CAPN13: variants seen among roughly 807,000 people sequenced by gnomAD.
CAPN13 encodes calpain-13.
CAPN13 carries 90 observed loss-of-function variants against 98.4 expected under a neutral mutation model. That is an observed-to-expected ratio of 0.92 (90% CI 0.77 to 1.09). The LOEUF is 1.09. CAPN13 is among the 50% of genes least tolerant of loss of function. CAPN13 has a pLI of 0.00. For synonymous variants in CAPN13, 330 were observed against 305.5 expected (o/e 1.08, Z -0.84); for missense variants, 887 against 841.3 (o/e 1.05, Z -0.67).
At chr2:30,764,423 T>A in intron 5 of CAPN13, 117 bp from the exon 6 acceptor site, 2 of 1,082,822 alleles carry the variant, frequency 1.8e-6, no homozygotes, top group Non-Finnish European at 2.6e-6. Context: ...GGTCCACTCC[T>A]GATCATGGCC....
At chr2:30,774,049 CA>C (rs1479543267) in intron 4 of CAPN13, among the ~76,000 whole-genome samples, 1 of 151,966 alleles carries the variant, frequency 6.6e-6, no homozygotes, top group Non-Finnish European at 1.5e-5. Flanking sequence ...TTATCCCTTG[CA>C]AAACTTAATC....
intron 1 of CAPN13, among the ~76,000 whole-genome samples, chr2:30,800,129 A>AAAGAAAGAAAGAAAGAAAGAAAGT (rs1675145684): frequency 7.5e-6 from 1 of 133,516 alleles, no homozygotes; most frequent in African/African-American, 3.1e-5. Context: ...AGAAAGAAAG[A>AAAGAAAGAAAGAAAGAAAGAAAGT]AAGAAAGAAA....
chr2:30,780,496 G>C (rs536371298), intron 2 of CAPN13, among the ~76,000 whole-genome samples: 2 of 152,342 alleles, frequency 1.3e-5, no homozygotes, highest in African/African-American at 4.8e-5. Flanking sequence ...TAAATTCTAT[G>C]AAGGCATTTG....
intron 15 of CAPN13, among the ~76,000 whole-genome samples, chr2:30,738,856 T>C (rs1357951425): frequency 7.3e-6 from 1 of 137,616 alleles, no homozygotes. Flanking sequence ...AAACTATGAC[T>C]ACTGTGTGCA....
chr2:30,751,459 T>G (rs928206952), intron 10 of CAPN13, among the ~76,000 whole-genome samples: 6 of 152,220 alleles, frequency 3.9e-5, no homozygotes, highest in Non-Finnish European at 8.8e-5. Context: ...CAGGAGAGGT[T>G]GTATAGTCCC....
At chr2:30,791,518 G>T (rs965459816) in intron 1 of CAPN13, among the ~76,000 whole-genome samples, 1 of 152,210 alleles carries the variant, frequency 6.6e-6, no homozygotes, top group Admixed American at 6.5e-5. Flanking sequence ...GAAAACATCT[G>T]ATACTGAACA....
At chr2:30,760,816 C>A (rs933494552) in intron 7 of CAPN13, among the ~76,000 whole-genome samples, 6 of 152,218 alleles carry the variant, frequency 3.9e-5, no homozygotes, top group Non-Finnish European at 7.3e-5. Flanking sequence ...GAGGCCAAGG[C>A]CATGGCTACA....
chr2:30,739,631 A>G (rs1260326965), intron 15 of CAPN13, among the ~76,000 whole-genome samples: 1 of 152,178 alleles, frequency 6.6e-6, no homozygotes, highest in Non-Finnish European at 1.5e-5. Context: ...CGCTTTGAAC[A>G]GCAGTTAGCA....
chr2:30,730,580 C>T, intron 22 of CAPN13, 150 bp downstream of exon 22: 1 of 555,612 alleles, frequency 1.8e-6, no homozygotes, highest in Non-Finnish European at 3.2e-6. Flanking sequence ...AACTCAAGGG[C>T]CTTGAGCAGC....
rs1347404125 is a variant in CAPN13 at position 30,731,341 on chromosome 2, C to T, written c.1983+3G>A. 1 of 1,608,822 alleles carries T rather than the reference C, an allele frequency of 6.2e-7. No homozygotes were observed. ...CTGCCCCGGGGAGGGGAAGGTACCT[C>T]ACCTCCATTTCTGTCAGGTAGAGTC... On this transcript the variant is annotated splice_donor_region_variant and intron_variant, in intron 21 of 22. Coordinates refer to ENST00000295055, the MANE Select transcript of CAPN13 (RefSeq NM_144575.3).
intron 5 of CAPN13, among the ~76,000 whole-genome samples, chr2:30,765,008 A>G (rs777790563): frequency 9.2e-5 from 14 of 152,028 alleles, no homozygotes; most frequent in Non-Finnish European, 1.6e-4. Context: ...ACATACCCCA[A>G]AAGCTTAAAA....
chr2:30,760,906 G>C (rs766547314), intron 7 of CAPN13, among the ~76,000 whole-genome samples: 4 of 152,210 alleles, frequency 2.6e-5, no homozygotes, highest in Non-Finnish European at 5.9e-5. Flanking sequence ...GCTCAGAAAA[G>C]GTGCTACTGG....
intron 8 of CAPN13, 84 bp from the exon 9 acceptor site, chr2:30,754,448 T>A: frequency 8.9e-7 from 1 of 1,117,636 alleles, no homozygotes; most frequent in Non-Finnish European, 1.3e-6. Context: ...GGACCCTCTG[T>A]ACATGTCACC....
chr2:30,753,856 T>A (rs913592663), intron 9 of CAPN13, among the ~76,000 whole-genome samples: 3 of 152,180 alleles, frequency 2.0e-5, no homozygotes, highest in African/African-American at 7.2e-5. Flanking sequence ...GTGTGACTTC[T>A]GGGTGATGAA....
chr2:30,775,825 A>T (rs1254798183), intron 4 of CAPN13, 105 bp downstream of exon 4: 1 of 629,520 alleles, frequency 1.6e-6, no homozygotes, highest in African/African-American at 1.9e-5. Flanking sequence ...CACAACTGTC[A>T]CTTTCATCTC....
chr2:30,723,953 T>C (rs1670775558), intron 22 of CAPN13, among the ~76,000 whole-genome samples: 1 of 152,184 alleles, frequency 6.6e-6, no homozygotes, highest in Non-Finnish European at 1.5e-5. Context: ...CCCATTTCTA[T>C]CCAAATTCCC....
At chr2:30,732,296 G>C in intron 20 of CAPN13, 142 bp downstream of exon 20, 1 of 952,756 alleles carries the variant, frequency 1.0e-6, no homozygotes, top group South Asian at 1.6e-5. Context: ...CTACAGCCTC[G>C]GTTGGCACCT....
Position 30,787,348 on chromosome 2 carries a change from A to G in CAPN13, c.-23T>C. 6.3e-7 allele frequency: 1 copy of G among 1,595,310 alleles called. No homozygotes were observed. The highest frequency in any genetic ancestry group is 8.5e-7 in the Non-Finnish European group (1 of 1,171,414). On this transcript the variant is annotated 5_prime_UTR_variant, in exon 2 of 23. Coordinates refer to ENST00000295055, the MANE Select transcript of CAPN13 (RefSeq NM_144575.3). ...CATGACTCTCCTTAGAAGACTTCCG[A>G]GGTCCTTTCCTGTTGGTGAGAAAAA...
At chr2:30,768,643 T>A (rs1019886278) in intron 5 of CAPN13, among the ~76,000 whole-genome samples, 1 of 150,292 alleles carries the variant, frequency 6.7e-6, no homozygotes, top group African/African-American at 2.5e-5. Context: ...GCTCTTTTTT[T>A]AAATTTGTTT....
Sources: allele counts gnomAD v4.1 joint callset (sites outside exome capture counted in the v4.1 genomes callset), GRCh38; gene constraint gnomAD v4.1.1; transcripts MANE v1.5; gene names NCBI Gene and HGNC (gene_info 2026-07-23, HGNC 2026-07-21).